Variants in EIF4G3 observed in about 807,000 individuals in gnomAD.
The protein encoded by EIF4G3 is eukaryotic translation initiation factor 4 gamma 3.
Under a neutral mutation model 186.4 loss-of-function variants are expected in EIF4G3, and 34 were observed. The ratio of observed to expected loss-of-function variants is 0.18; its 90% CI spans 0.14 to 0.24. The LOEUF (loss-of-function observed/expected upper bound fraction) is 0.24, where lower values mean the gene tolerates loss of function less well. EIF4G3 is among the 10% of genes least tolerant of loss of function. The pLI, the probability that EIF4G3 is intolerant of heterozygous loss-of-function variation, is 1.00. For missense variants in EIF4G3, 1,536 were observed against 1,948.5 expected (o/e 0.79, Z 3.99); for synonymous variants, 673 against 679.5 (o/e 0.99, Z 0.15).
chr1:20,871,541 G>T (rs1040540170), intron 20 of EIF4G3, among the ~76,000 whole-genome samples: 2 of 152,110 alleles, frequency 1.3e-5, no homozygotes, highest in African/African-American at 4.8e-5. Context: ...GATTCTGTTG[G>T]GAGGTATTAT....
chr1:20,867,377 T>A (rs2077801355), intron 20 of EIF4G3, among the ~76,000 whole-genome samples: 1 of 152,150 alleles, frequency 6.6e-6, no homozygotes, highest in South Asian at 2.1e-4. Context: ...ACCTGCAGAA[T>A]GAGATATTCC....
At chr1:21,017,627 CAAAAAA>C (rs71014146) in intron 4 of EIF4G3, among the ~76,000 whole-genome samples, 2 of 49,204 alleles carry the variant, frequency 4.1e-5, no homozygotes, top group Non-Finnish European at 3.5e-5. Context: ...GACTCCGTCT[CAAAAAA>C]AAAAAAAAAA....
At chr1:21,036,580 T>C (rs970702529) in intron 4 of EIF4G3, among the ~76,000 whole-genome samples, 21 of 152,196 alleles carry the variant, frequency 1.4e-4, no homozygotes, top group African/African-American at 4.8e-4. Flanking sequence ...CATGTCTCTA[T>C]ATAAATGCTT....
chr1:20,819,656 G>A (rs2061836819), intron 33 of EIF4G3, among the ~76,000 whole-genome samples: 1 of 152,056 alleles, frequency 6.6e-6, no homozygotes, highest in Non-Finnish European at 1.5e-5. Flanking sequence ...GACACATAGA[G>A]GGGAACAACA....
chr1:20,854,050 T>A lies in EIF4G3; in HGVS notation c.3434-373A>T, dbSNP rs181343399. ...ATGTGGGTTTTACTGAATAATGACATTTTTTAAAATTTAAAGAAAAAAAGG... is the reference window on the plus strand; with the variant it reads ...ATGTGGGTTTTACTGAATAATGACAATTTTTAAAATTTAAAGAAAAAAAGG... On this transcript the variant is annotated intron_variant, in intron 26 of 36. Transcript: ENST00000602326. 3.9e-5 allele frequency among the ~76,000 whole-genome samples: 6 copies of A among 152,228 alleles called. No homozygotes were observed. The East Asian group carries it at 1.2e-3, about 29-fold the overall frequency.
At position 20,862,145 on chromosome 1, in the gene EIF4G3, AAAC is replaced by A. The variant is rs1354557484; in HGVS notation, c.3111+80_3111+82del. 4 of 825,196 alleles carry A rather than the reference AAAC, an allele frequency of 4.8e-6. 1 individual carries two copies. The highest frequency in any genetic ancestry group is 7.6e-6 in the Non-Finnish European group (4 of 527,078). 51.1% of individuals were successfully genotyped at this position (825,196 alleles called of 1,614,324 possible). A position where few individuals can be genotyped will look rare whatever the true frequency, so the allele number is the denominator to read the frequency against. On this transcript the variant is annotated intron_variant, in intron 23 of 36. Coordinates refer to ENST00000602326, the MANE Select transcript of EIF4G3 (RefSeq NM_001391906.1). The stretch of plus-strand genomic sequence containing the variant: ...GCAAAAGCACTATCTTTACACATGT[AAAC>A]AACAGGACATCCTTCCCCAACCCAA...
chr1:21,012,238 A>G (rs1209548554), intron 4 of EIF4G3, among the ~76,000 whole-genome samples: 1 of 152,136 alleles, frequency 6.6e-6, no homozygotes, highest in African/African-American at 2.4e-5. Context: ...CCATATTTCC[A>G]CAGGTATGGC....
chr1:21,107,513 T>C (rs1361534140), intron 2 of EIF4G3, among the ~76,000 whole-genome samples: 2 of 152,140 alleles, frequency 1.3e-5, no homozygotes, highest in Non-Finnish European at 2.9e-5. Flanking sequence ...GCATTTACAG[T>C]CACAAGTTGT....
At chr1:20,900,635 G>C (rs1276174410) in intron 15 of EIF4G3, among the ~76,000 whole-genome samples, 2 of 152,018 alleles carry the variant, frequency 1.3e-5, no homozygotes, top group Non-Finnish European at 2.9e-5. Context: ...GACCATCTTA[G>C]CGTCAGATAT....
intron 30 of EIF4G3, among the ~76,000 whole-genome samples, chr1:20,829,986 G>A (rs2064676021): frequency 6.6e-6 from 1 of 152,086 alleles, no homozygotes; most frequent in Non-Finnish European, 1.5e-5. Context: ...CTGTTCATTT[G>A]GAAGTATAAA....
At chr1:20,963,637 G>A (rs1355416693) in intron 12 of EIF4G3, among the ~76,000 whole-genome samples, 1 of 152,012 alleles carries the variant, frequency 6.6e-6, no homozygotes, top group African/African-American at 2.4e-5. Context: ...AGGAAGAAAG[G>A]TACATAATTC....
At chr1:21,055,967 T>C (rs1445488212) in intron 3 of EIF4G3, among the ~76,000 whole-genome samples, 1 of 152,150 alleles carries the variant, frequency 6.6e-6, no homozygotes, top group Non-Finnish European at 1.5e-5. Flanking sequence ...ATAAAATTAG[T>C]ATCCATTGGT....
intron 2 of EIF4G3, among the ~76,000 whole-genome samples, chr1:21,100,017 T>C (rs1300274708): frequency 1.3e-5 from 2 of 152,230 alleles, no homozygotes; most frequent in East Asian, 1.9e-4. Context: ...TACAATGGAA[T>C]TTTATTTGGC....
chr1:21,048,998 A>G (rs1306034833), intron 4 of EIF4G3, among the ~76,000 whole-genome samples: 1 of 152,232 alleles, frequency 6.6e-6, no homozygotes, highest in Non-Finnish European at 1.5e-5. Context: ...TACGAAGGTT[A>G]TACAGCAAAT....
intron 2 of EIF4G3, among the ~76,000 whole-genome samples, chr1:21,137,470 G>GA (rs1158090801): frequency 7.2e-5 from 11 of 151,768 alleles, no homozygotes; most frequent in Non-Finnish European, 1.2e-4. Flanking sequence ...CATCATCTAT[G>GA]AAAAAAATTA....
At chr1:21,161,968 C>G (rs1425674739) in intron 2 of EIF4G3, 1 of 116,618 alleles carries the variant, frequency 8.6e-6, no homozygotes, top group Non-Finnish European at 1.8e-5. Flanking sequence ...AACTCTGTCT[C>G]AAAAAAAAAA....
intron 3 of EIF4G3, among the ~76,000 whole-genome samples, chr1:21,060,915 C>A (rs953663978): frequency 3.3e-5 from 5 of 151,884 alleles, no homozygotes; most frequent in African/African-American, 1.2e-4. Flanking sequence ...CTGATTGATT[C>A]ATTCATTCAT....
intron 4 of EIF4G3, among the ~76,000 whole-genome samples, chr1:21,006,659 T>TTA (rs778400040): frequency 9.2e-5 from 14 of 152,338 alleles, no homozygotes; most frequent in Non-Finnish European, 2.1e-4. Context: ...AGAACAGTCC[T>TTA]TATGGTGTAC....
intron 29 of EIF4G3, among the ~76,000 whole-genome samples, chr1:20,842,889 G>A (rs1267880944): frequency 6.7e-6 from 1 of 149,622 alleles, no homozygotes; most frequent in Non-Finnish European, 1.5e-5. Context: ...TAGTTACCCA[G>A]GCTAGAGTGT....
Sources: allele counts gnomAD v4.1 joint callset (sites outside exome capture counted in the v4.1 genomes callset), GRCh38; gene constraint gnomAD v4.1.1; transcripts MANE v1.5; gene names NCBI Gene and HGNC (gene_info 2026-07-23, HGNC 2026-07-21).